The following AIM2 variants were observed in gnomAD, a reference collection of about 807,000 sequenced individuals.
AIM2 encodes interferon-inducible protein AIM2.
A neutral mutation model predicts 27.7 loss-of-function variants in AIM2; 30 were observed. That is an observed-to-expected ratio of 1.08 (90% CI 0.81 to 1.47). The LOEUF (loss-of-function observed/expected upper bound fraction) is 1.47. Ranked by LOEUF, AIM2 falls within the 40% of genes most tolerant of loss-of-function variation. AIM2 has a pLI of 0.00. For synonymous variants in AIM2, 141 were observed against 145.3 expected (o/e 0.97, Z 0.21); for missense variants, 358 against 411.3 (o/e 0.87, Z 1.12).
upstream of AIM2, among the ~76,000 whole-genome samples, chr1:159,142,582 T>C (rs536386102): frequency 2.6e-5 from 4 of 152,286 alleles, no homozygotes; most frequent in Admixed American, 2.6e-4. Flanking sequence ...GGCTACCTAC[T>C]TTGAAGAACA....
At chr1:159,071,174 C>T (rs562864073) in intron 2 of AIM2, among the ~76,000 whole-genome samples, 1 of 152,328 alleles carries the variant, frequency 6.6e-6, no homozygotes, top group South Asian at 2.1e-4. Context: ...CATACAAAAG[C>T]TTCTCCTGTC....
At chr1:159,076,390 T>C (rs1243069561) in intron 1 of AIM2, among the ~76,000 whole-genome samples, 2 of 152,172 alleles carry the variant, frequency 1.3e-5, no homozygotes, top group Non-Finnish European at 2.9e-5. Flanking sequence ...GCCTTACAAA[T>C]AGGCTGATAG....
At chr1:159,139,794 CA>C (rs1648077059) in intron 1 of AIM2, among the ~76,000 whole-genome samples, 1 of 152,322 alleles carries the variant, frequency 6.6e-6, no homozygotes, top group East Asian at 1.9e-4. Flanking sequence ...ACCTCATCCC[CA>C]GCCCTCACAA....
At chr1:159,083,150 T>C (rs1656822284) in intron 1 of AIM2, among the ~76,000 whole-genome samples, 1 of 152,210 alleles carries the variant, frequency 6.6e-6, no homozygotes, top group African/African-American at 2.4e-5. Context: ...GCTTAACTAT[T>C]AGTTTTATTT....
At chr1:159,119,893 G>T (rs1340070456) in intron 1 of AIM2, among the ~76,000 whole-genome samples, 1 of 151,670 alleles carries the variant, frequency 6.6e-6, no homozygotes, top group African/African-American at 2.4e-5. Context: ...CATACAGAGA[G>T]ACTTATAGAT....
intron 1 of AIM2, among the ~76,000 whole-genome samples, chr1:159,119,899 T>C (rs1344663084): frequency 1.3e-5 from 2 of 152,120 alleles, no homozygotes; most frequent in African/African-American, 4.8e-5. Context: ...GAGAGACTTA[T>C]AGATTATATG....
chr1:159,071,893 C>A (rs989538113), intron 2 of AIM2, among the ~76,000 whole-genome samples: 9 of 151,996 alleles, frequency 5.9e-5, no homozygotes, highest in African/African-American at 1.9e-4. Flanking sequence ...TCCTGAGTTT[C>A]CAAGCTAGTC....
chr1:159,136,836 G>T (rs1211403691), intron 1 of AIM2, among the ~76,000 whole-genome samples: 1 of 152,164 alleles, frequency 6.6e-6, no homozygotes, highest in Non-Finnish European at 1.5e-5. Flanking sequence ...TTAAAAATAA[G>T]TGATCTCGGC....
intron 1 of AIM2, among the ~76,000 whole-genome samples, chr1:159,093,678 T>C (rs1325252445): frequency 6.6e-6 from 1 of 151,426 alleles, no homozygotes; most frequent in Non-Finnish European, 1.5e-5. Flanking sequence ...TATATAACAT[T>C]TTATTTATTT....
intron 3 of AIM2, 30 bp from the exon 4 acceptor site, chr1:159,066,359 G>A: frequency 6.3e-7 from 1 of 1,580,400 alleles, no homozygotes; most frequent in East Asian, 2.2e-5. Context: ...GATATCAGCT[G>A]TGAGTCAAAA....
At chr1:159,129,103 C>T (rs193071246) in intron 1 of AIM2, among the ~76,000 whole-genome samples, 68 of 152,184 alleles carry the variant, frequency 4.5e-4, no homozygotes, top group Admixed American at 5.2e-4. Context: ...AGATTTAGGG[C>T]GGGCCTGGAA....
At chr1:159,086,835 C>T (rs1435026033) in intron 1 of AIM2, among the ~76,000 whole-genome samples, 1 of 152,142 alleles carries the variant, frequency 6.6e-6, no homozygotes, top group Non-Finnish European at 1.5e-5. Context: ...AAACACTAAG[C>T]AAAGTAACTG....
At chr1:159,079,492 G>T (rs1656722587), upstream of AIM2, among the ~76,000 whole-genome samples, 2 of 152,154 alleles carry the variant, frequency 1.3e-5, no homozygotes, top group Admixed American at 6.5e-5. Flanking sequence ...TTTGATGAAT[G>T]AGAAAGAACA....
In AIM2 at chr1:159,068,654, C is replaced by T. The variant is rs1469414121; in HGVS notation, c.310G>A (p.Ala104Thr). 1.2e-6 allele frequency: 2 copies of T among 1,613,702 alleles called. No individual in the cohort carries two copies. The highest frequency in any genetic ancestry group is 3.3e-5 in the Admixed American group (2 of 59,930). Reference protein sequence around the residue: ...SVTKPKPLSQAEMSPAASAAI... With the variant: ...SVTKPKPLSQTEMSPAASAAI... ...GCAGATGCAGCAGGACTCATTTCAG[C>T]TTGACTTAGTGGCTTTGGTTTTGTT... Residue 104 changes from alanine (A) to threonine (T), a missense_variant, in exon 3 of 6, where the codon GCT (alanine) becomes ACT (threonine). By Grantham distance (58) the Ala-to-Thr change is moderately conservative. Coordinates refer to ENST00000368130, the MANE Select transcript of AIM2 (RefSeq NM_004833.3).
chr1:159,119,040 A>C (rs534413371), intron 1 of AIM2, among the ~76,000 whole-genome samples: 1 of 152,102 alleles, frequency 6.6e-6, no homozygotes, highest in East Asian at 1.9e-4. Flanking sequence ...TATCTCTCAC[A>C]CCAGAACTCC....
chr1:159,116,970 T>C (rs575843308), intron 1 of AIM2, among the ~76,000 whole-genome samples: 2 of 152,138 alleles, frequency 1.3e-5, no homozygotes, highest in African/African-American at 4.8e-5. Flanking sequence ...GAGAAAGATA[T>C]GTGAGTACAG....
At chr1:159,122,611 A>G (rs533099084) in intron 1 of AIM2, among the ~76,000 whole-genome samples, 22 of 152,196 alleles carry the variant, frequency 1.4e-4, no homozygotes, top group Non-Finnish European at 2.9e-4. Flanking sequence ...ACTTGTTCAG[A>G]AAAACAATGG....
At chr1:159,103,938 T>A (rs1048810615) in intron 1 of AIM2, among the ~76,000 whole-genome samples, 2 of 151,912 alleles carry the variant, frequency 1.3e-5, no homozygotes, top group Non-Finnish European at 2.9e-5. Context: ...AGTAATGGGG[T>A]TTGGCATAAA....
intron 1 of AIM2, among the ~76,000 whole-genome samples, chr1:159,128,843 C>A (rs1647791350): frequency 6.6e-6 from 1 of 152,226 alleles, no homozygotes; most frequent in Admixed American, 6.5e-5. Context: ...GATTTCTTCA[C>A]TCCCCTTATA....
Sources: allele counts gnomAD v4.1 joint callset (sites outside exome capture counted in the v4.1 genomes callset), GRCh38; gene constraint gnomAD v4.1.1; transcripts MANE v1.5; gene names NCBI Gene and HGNC (gene_info 2026-07-23, HGNC 2026-07-21).